The following GTF2I variants were observed in gnomAD, a reference collection of about 807,000 sequenced individuals.
The protein encoded by GTF2I is general transcription factor IIi, also known as general transcription factor II-I.
A neutral mutation model predicts 67.6 loss-of-function variants in GTF2I; 12 were observed. The observed-to-expected ratio is 0.18, with a 90% CI of 0.11 to 0.29. The LOEUF (loss-of-function observed/expected upper bound fraction) is 0.29, where lower values mean the gene tolerates loss of function less well. GTF2I is among the 10% of genes least tolerant of loss of function. The probability of loss-of-function intolerance (pLI) is 1.00; values close to 1 mark genes in which losing one functional copy is unlikely to be tolerated. For synonymous variants in GTF2I, 149 were observed against 197.0 expected (o/e 0.76, Z 2.04); for missense variants, 271 against 580.1 (o/e 0.47, Z 5.47).
intron 2 of GTF2I, among the ~76,000 whole-genome samples, chr7:74,690,317 T>A (rs1788162155): frequency 6.6e-6 from 1 of 152,182 alleles, no homozygotes; most frequent in South Asian, 2.1e-4. Flanking sequence ...TTTTAAATAA[T>A]GTTATCAGTA....
At chr7:74,673,347 G>A (rs1805620394) in intron 1 of GTF2I, among the ~76,000 whole-genome samples, 1 of 152,022 alleles carries the variant, frequency 6.6e-6, no homozygotes, top group Non-Finnish European at 1.5e-5. Flanking sequence ...GCTCTTAACT[G>A]CTATGTGGTT....
chr7:74,658,616 C>T (rs1264411412), intron 1 of GTF2I, among the ~76,000 whole-genome samples: 2 of 149,634 alleles, frequency 1.3e-5, no homozygotes, highest in Non-Finnish European at 3.0e-5. Context: ...GGCCAACCGG[C>T]GCGGGGGCGG....
chr7:74,704,585 G>A (rs1194828604), intron 6 of GTF2I, among the ~76,000 whole-genome samples: 7 of 152,032 alleles, frequency 4.6e-5, no homozygotes, highest in African/African-American at 1.4e-4. Context: ...GAGCCTCCAC[G>A]CCCAGCCTAA....
chr7:74,663,635 G>A (rs1804712096), intron 1 of GTF2I, among the ~76,000 whole-genome samples: 1 of 152,102 alleles, frequency 6.6e-6, no homozygotes, highest in Admixed American at 6.6e-5. Flanking sequence ...CTGAAAGAAA[G>A]TAGAAAATAC....
intron 3 of GTF2I, among the ~76,000 whole-genome samples, chr7:74,694,829 T>C (rs1328427347): frequency 6.6e-6 from 1 of 152,212 alleles, no homozygotes; most frequent in Non-Finnish European, 1.5e-5. Flanking sequence ...AAGGACAAGC[T>C]GAATTCCTTG....
chr7:74,706,060 C>G (rs1790633584), intron 7 of GTF2I, among the ~76,000 whole-genome samples: 1 of 151,856 alleles, frequency 6.6e-6, no homozygotes, highest in South Asian at 2.1e-4. Context: ...TCAAGTGATT[C>G]AGGTGAGCGC....
intron 12 of GTF2I, 66 bp downstream of exon 12, chr7:74,719,007 C>T: frequency 1.3e-6 from 1 of 796,144 alleles, no homozygotes; most frequent in Non-Finnish European, 2.0e-6. Flanking sequence ...GTCACATTCA[C>T]ATTGCTAAAT....
rs200517385 is a variant in GTF2I at position 74,687,079 on chromosome 7, CAG to C, written c.-5-2044_-5-2043del. ...CTAATTTTTGTATTTTTAGTAGAGA[CAG>C]TGTTTCGCCACATTGCCCAGGATGG... On this transcript the variant is annotated intron_variant, in intron 1 of 34. Coordinates refer to ENST00000573035, the MANE Select transcript of GTF2I (RefSeq NM_032999.4). Among the ~76,000 whole-genome samples the C allele has an allele frequency of 7.0e-3, 1,061 of 151,576 alleles. 12 individuals are homozygous for C. The highest frequency in any genetic ancestry group is 0.034 in the South Asian group (165 of 4,800).
intron 1 of GTF2I, among the ~76,000 whole-genome samples, chr7:74,682,514 A>T (rs1357307602): frequency 6.6e-6 from 1 of 152,172 alleles, no homozygotes; most frequent in African/African-American, 2.4e-5. Context: ...GGCCTGGGTT[A>T]ACTTCTACTG....
intron 1 of GTF2I, among the ~76,000 whole-genome samples, chr7:74,680,516 G>C (rs1370935076): frequency 6.6e-6 from 1 of 151,930 alleles, no homozygotes; most frequent in Non-Finnish European, 1.5e-5. Context: ...TGAGGCGGGA[G>C]GATCATTTGA....
intron 3 of GTF2I, among the ~76,000 whole-genome samples, chr7:74,693,723 G>A (rs1406693606): frequency 6.6e-6 from 1 of 152,152 alleles, no homozygotes; most frequent in Non-Finnish European, 1.5e-5. Context: ...GCGCGTGCTT[G>A]TAGTCCCAGC....
chr7:74,670,010 C>T (rs1358589983), intron 1 of GTF2I, among the ~76,000 whole-genome samples: 1 of 152,052 alleles, frequency 6.6e-6, no homozygotes, highest in African/African-American at 2.4e-5. Flanking sequence ...TTTTATTTAG[C>T]CGTGATAATT....
intron 1 of GTF2I, among the ~76,000 whole-genome samples, chr7:74,681,926 G>A (rs1787310655): frequency 6.6e-6 from 1 of 150,822 alleles, no homozygotes; most frequent in African/African-American, 2.4e-5. Flanking sequence ...AAAAAAAAAA[G>A]TAATGGGAGG....
At chr7:74,682,784 C>T (rs1236979074) in intron 1 of GTF2I, among the ~76,000 whole-genome samples, 1 of 152,080 alleles carries the variant, frequency 6.6e-6, no homozygotes, top group Non-Finnish European at 1.5e-5. Context: ...AAAATAACTG[C>T]CCCATTACCA....
At chr7:74,702,226 A>C (rs1285656122) in intron 6 of GTF2I, among the ~76,000 whole-genome samples, 6 of 138,048 alleles carry the variant, frequency 4.3e-5, no homozygotes, top group East Asian at 3.9e-4. Context: ...TTTACACTGA[A>C]CTTTTTTTTT....
At chr7:74,689,382 T>C (rs1460964123) in intron 2 of GTF2I, 155 bp downstream of exon 2, 1 of 448,440 alleles carries the variant, frequency 2.2e-6, no homozygotes, top group Non-Finnish European at 3.9e-6. Flanking sequence ...TGAGACGGAG[T>C]CTTGCTCTGT....
intron 1 of GTF2I, among the ~76,000 whole-genome samples, chr7:74,686,534 G>A (rs970691721): frequency 1.1e-4 from 17 of 152,320 alleles, no homozygotes; most frequent in Admixed American, 1.0e-3. Context: ...GGAAAAGTGA[G>A]ATTATGAAGA....
At chr7:74,689,348 C>CTTTT (rs1162860651) in intron 2 of GTF2I, 121 bp downstream of exon 2, 109 of 145,176 alleles carry the variant, frequency 7.5e-4, no homozygotes, top group Non-Finnish European at 8.9e-4. Context: ...TTTTTCTTTA[C>CTTTT]TTTTTTTTTT....
chr7:74,660,733 T>C (rs1330971206), intron 1 of GTF2I, among the ~76,000 whole-genome samples: 1 of 150,358 alleles, frequency 6.7e-6, no homozygotes. Flanking sequence ...GCGATTCTCC[T>C]GCTTCAGACT....
Sources: gnomAD v4.1 joint callset for allele counts (sites outside exome capture counted in the v4.1 genomes callset) on GRCh38, gnomAD v4.1.1 for gene constraint, MANE v1.5 for transcripts, NCBI Gene and HGNC (gene_info 2026-07-23, HGNC 2026-07-21) for gene names.